Variants in CLSTN2 observed in about 807,000 individuals in gnomAD.
CLSTN2 encodes the protein calsyntenin-2.
A neutral mutation model predicts 101.2 loss-of-function variants in CLSTN2; 48 were observed. That is an observed-to-expected ratio of 0.47 (90% CI 0.38 to 0.60). CLSTN2 has a LOEUF of 0.60. Ranked by LOEUF, CLSTN2 falls within the 20% of genes least tolerant of loss-of-function variation. The pLI is 0.00. For synonymous variants in CLSTN2, 481 were observed against 463.6 expected (o/e 1.04, Z -0.48); for missense variants, 1,160 against 1,238.2 (o/e 0.94, Z 0.95).
At chr3:140,482,226 G>A (rs139685473) in intron 8 of CLSTN2, among the ~76,000 whole-genome samples, 12,091 of 152,206 alleles carry the variant, frequency 0.079, 637 homozygotes, top group Non-Finnish European at 0.11. Flanking sequence ...TTTGTTGTTG[G>A]TTTTGTTTAT....
chr3:140,400,423 G>C (rs575532704), intron 2 of CLSTN2, among the ~76,000 whole-genome samples: 1 of 152,302 alleles, frequency 6.6e-6, no homozygotes, highest in Non-Finnish European at 1.5e-5. Flanking sequence ...CTTCAAGGCT[G>C]AGCACAGTGG....
At chr3:140,072,133 T>C (rs1262774986) in intron 1 of CLSTN2, among the ~76,000 whole-genome samples, 2 of 152,068 alleles carry the variant, frequency 1.3e-5, no homozygotes, top group Non-Finnish European at 2.9e-5. Flanking sequence ...ATTTATCCTA[T>C]AGGTATGCTC....
chr3:140,419,280 C>G (rs2088466413), intron 4 of CLSTN2, among the ~76,000 whole-genome samples: 1 of 149,846 alleles, frequency 6.7e-6, no homozygotes, highest in Admixed American at 6.6e-5. Flanking sequence ...ATCACGAGTT[C>G]GAGACCAGCC....
chr3:140,300,780 C>T (rs1468900047), intron 2 of CLSTN2, among the ~76,000 whole-genome samples: 1 of 151,620 alleles, frequency 6.6e-6, no homozygotes, highest in South Asian at 2.1e-4. Flanking sequence ...TCAGGGTTCT[C>T]TAGAGAAGCA....
intron 1 of CLSTN2, among the ~76,000 whole-genome samples, chr3:140,161,447 A>T (rs72986199): frequency 0.018 from 2,738 of 152,300 alleles, 80 homozygotes; most frequent in African/African-American, 0.063. Flanking sequence ...AAGTTCATAC[A>T]AGAAAAGATG....
At chr3:140,238,134 A>G (rs895555845) in intron 2 of CLSTN2, among the ~76,000 whole-genome samples, 3 of 152,192 alleles carry the variant, frequency 2.0e-5, no homozygotes, top group Admixed American at 6.5e-5. Context: ...CTCTAATGCT[A>G]TATTTGCATC....
chr3:140,151,326 T>G (rs1248288586), intron 1 of CLSTN2, among the ~76,000 whole-genome samples: 1 of 151,980 alleles, frequency 6.6e-6, no homozygotes, highest in Non-Finnish European at 1.5e-5. Flanking sequence ...TTAAGACCTC[T>G]GGGAATAGTG....
chr3:140,418,679 T>C (rs2088458715), intron 4 of CLSTN2, among the ~76,000 whole-genome samples: 1 of 151,838 alleles, frequency 6.6e-6, no homozygotes, highest in Non-Finnish European at 1.5e-5. Context: ...CACCACACCC[T>C]GCTAATTTTT....
rs1273017008 is a variant in CLSTN2 at position 139,981,035 on chromosome 3, G to C, written c.109+45552G>C. On this transcript the variant is annotated intron_variant, in intron 1 of 16. Transcript: ENST00000458420. Reference sequence around the variant, plus strand: ...GGGGAGGGGCAGAGAATTCCCTGCAGTTGGAATTTTATGTGTGGGTTTGAT... The same window carrying C: ...GGGGAGGGGCAGAGAATTCCCTGCACTTGGAATTTTATGTGTGGGTTTGAT... 1.3e-5 allele frequency among the ~76,000 whole-genome samples: 2 copies of C among 152,052 alleles called. 1 individual carries two copies. The highest frequency in any genetic ancestry group is 2.9e-5 in the Non-Finnish European group (2 of 67,974).
At chr3:140,377,929 C>T (rs4683488) in intron 2 of CLSTN2, among the ~76,000 whole-genome samples, 72,157 of 151,954 alleles carry the variant, frequency 0.47, 17,858 homozygotes, top group East Asian at 0.89. Context: ...TGGTAAGTGC[C>T]CTGTACAGGT....
At chr3:140,513,566 T>TTTC (rs1163912784) in intron 8 of CLSTN2, among the ~76,000 whole-genome samples, 1 of 132,004 alleles carries the variant, frequency 7.6e-6, no homozygotes, top group African/African-American at 2.7e-5. Context: ...GACCTGAAGC[T>TTTC]TTCTTTTTTT....
At chr3:140,504,244 C>CA (rs1559888350) in intron 8 of CLSTN2, among the ~76,000 whole-genome samples, 1 of 152,044 alleles carries the variant, frequency 6.6e-6, no homozygotes, top group Non-Finnish European at 1.5e-5. Context: ...TGGACCTTTT[C>CA]ATGAGAGCCT....
At chr3:140,435,392 C>T (rs984105738) in intron 5 of CLSTN2, among the ~76,000 whole-genome samples, 5 of 152,212 alleles carry the variant, frequency 3.3e-5, no homozygotes, top group South Asian at 2.1e-4. Context: ...TGCAAATAAC[C>T]GGATCTCATT....
chr3:139,995,520 C>A, intron 1 of CLSTN2, among the ~76,000 whole-genome samples: 1 of 152,136 alleles, frequency 6.6e-6, no homozygotes, highest in East Asian at 1.9e-4. Context: ...TTGAATTCTT[C>A]ATCTCTGAAT....
intron 2 of CLSTN2, among the ~76,000 whole-genome samples, chr3:140,378,112 A>C (rs752787370): frequency 6.6e-6 from 1 of 152,248 alleles, no homozygotes; most frequent in African/African-American, 2.4e-5. Context: ...TACACCATAT[A>C]GCCTAGGTGT....
At chr3:140,069,612 C>T (rs1052751454) in intron 1 of CLSTN2, among the ~76,000 whole-genome samples, 10 of 152,172 alleles carry the variant, frequency 6.6e-5, no homozygotes, top group African/African-American at 2.4e-4. Context: ...TATAGCCATG[C>T]TTGGGAGGTG....
intron 2 of CLSTN2, among the ~76,000 whole-genome samples, chr3:140,247,604 G>T (rs528964369): frequency 5.9e-5 from 9 of 152,304 alleles, no homozygotes; most frequent in African/African-American, 1.7e-4. Flanking sequence ...TATTTACTTT[G>T]CTGCAGTTCT....
rs1467819453 is a variant in CLSTN2 at position 139,980,452 on chromosome 3, G to A, written c.109+44969G>A. On this transcript the variant is annotated intron_variant, in intron 1 of 16. Coordinates refer to ENST00000458420, the MANE Select transcript of CLSTN2 (RefSeq NM_022131.3). ...AAAGTCCATCTATGACTATATTATG[G>A]AAAATGGTTCCATAGAACTAATTTC... Among the ~76,000 whole-genome samples, 2 of 152,014 alleles carry A rather than the reference G, an allele frequency of 1.3e-5. 1 individual carries two copies. Among genetic ancestry groups the A allele is most frequent in the Admixed American group, 1.3e-4 (2 of 15,260 alleles).
chr3:139,954,139 C>T (rs1935346393), intron 1 of CLSTN2, among the ~76,000 whole-genome samples: 1 of 152,144 alleles, frequency 6.6e-6, no homozygotes, highest in Non-Finnish European at 1.5e-5. Context: ...CCTCCATCCT[C>T]AAGTTGGTCC....
Sources: gnomAD v4.1 joint callset for allele counts (sites outside exome capture counted in the v4.1 genomes callset) on GRCh38, gnomAD v4.1.1 for gene constraint, MANE v1.5 for transcripts, NCBI Gene and HGNC (gene_info 2026-07-23, HGNC 2026-07-21) for gene names.